CHRM3: variants seen among roughly 807,000 people sequenced by gnomAD.
CHRM3 encodes the protein cholinergic receptor muscarinic 3, also known as muscarinic acetylcholine receptor M3.
CHRM3 carries 11 observed loss-of-function variants against 41.8 expected under a neutral mutation model. That is an observed-to-expected ratio of 0.26 (90% confidence interval 0.17 to 0.44). The LOEUF (loss-of-function observed/expected upper bound fraction) is 0.44. CHRM3 is among the 20% of genes least tolerant of loss of function. CHRM3 has a pLI of 1.00. For synonymous variants in CHRM3, 297 were observed against 301.4 expected (o/e 0.99, Z 0.15); for missense variants, 571 against 745.4 (o/e 0.77, Z 2.72).
intron 5 of CHRM3, among the ~76,000 whole-genome samples, chr1:239,739,161 G>T (rs551591770): frequency 1.3e-5 from 2 of 152,106 alleles, no homozygotes; most frequent in Admixed American, 6.5e-5. Flanking sequence ...TCAATATTAT[G>T]TATTTGACAG....
chr1:239,715,305 G>A (rs556370620), intron 5 of CHRM3, among the ~76,000 whole-genome samples: 9 of 152,198 alleles, frequency 5.9e-5, no homozygotes, highest in African/African-American at 2.2e-4. Flanking sequence ...ACTAGAAGAG[G>A]AAATAGGCTA....
chr1:239,413,995 A>G (rs1353915778), intron 1 of CHRM3, among the ~76,000 whole-genome samples: 2 of 152,216 alleles, frequency 1.3e-5, no homozygotes, highest in African/African-American at 4.8e-5. Flanking sequence ...TGTTGAAGAG[A>G]AACCAGGGTT....
chr1:239,435,320 G>A (rs1183232295), intron 1 of CHRM3, among the ~76,000 whole-genome samples: 1 of 151,832 alleles, frequency 6.6e-6, no homozygotes, highest in South Asian at 2.1e-4. Context: ...TGTGGTGGCG[G>A]GTGCCTGTAG....
At chr1:239,609,101 T>C (rs1666699089) in intron 3 of CHRM3, among the ~76,000 whole-genome samples, 1 of 152,212 alleles carries the variant, frequency 6.6e-6, no homozygotes, top group African/African-American at 2.4e-5. Flanking sequence ...CACTTTGTAA[T>C]ACATTGTCAT....
At chr1:239,599,559 C>G (rs890502701) in intron 3 of CHRM3, among the ~76,000 whole-genome samples, 7 of 151,782 alleles carry the variant, frequency 4.6e-5, no homozygotes, top group African/African-American at 1.7e-4. Context: ...GAGTGCAAGA[C>G]TTGTGTTTCA....
chr1:239,563,592 TTGTA>T (rs1661079789), intron 3 of CHRM3, among the ~76,000 whole-genome samples: 1 of 152,170 alleles, frequency 6.6e-6, no homozygotes, highest in Non-Finnish European at 1.5e-5. Flanking sequence ...TTTTTTTTGT[TTGTA>T]CTACAGCAGC....
chr1:239,802,443 C>T (rs1171414032), intron 5 of CHRM3, among the ~76,000 whole-genome samples: 2 of 152,110 alleles, frequency 1.3e-5, no homozygotes, highest in Non-Finnish European at 2.9e-5. Context: ...ACACCACTAC[C>T]CCTGTGAGTG....
chr1:239,747,961 C>G (rs982534480), intron 5 of CHRM3, among the ~76,000 whole-genome samples: 18 of 152,132 alleles, frequency 1.2e-4, no homozygotes, highest in African/African-American at 4.3e-4. Flanking sequence ...TGCTTGAACC[C>G]CAGAGGCAGA....
chr1:239,897,313 A>G (rs1043289873), intron 6 of CHRM3, among the ~76,000 whole-genome samples: 3 of 151,474 alleles, frequency 2.0e-5, no homozygotes, highest in Non-Finnish European at 2.9e-5. Context: ...ATGGACCTGG[A>G]AAAAAAAAGC....
At chr1:239,594,693 T>C (rs1031743860) in intron 3 of CHRM3, among the ~76,000 whole-genome samples, 1 of 152,202 alleles carries the variant, frequency 6.6e-6, no homozygotes, top group Non-Finnish European at 1.5e-5. Flanking sequence ...GCAGAAAACT[T>C]ATGGAATATA....
intron 1 of CHRM3, among the ~76,000 whole-genome samples, chr1:239,456,374 T>C (rs1226879238): frequency 6.6e-6 from 1 of 152,144 alleles, no homozygotes; most frequent in African/African-American, 2.4e-5. Context: ...TATGTTTAGA[T>C]ACACAAGTAC....
intron 5 of CHRM3, chr1:239,727,887 G>C (rs1022214597): frequency 1.3e-5 from 2 of 151,702 alleles, no homozygotes; most frequent in Non-Finnish European, 2.9e-5. Context: ...TTTTTTTTCT[G>C]AAATTCTTGC....
chr1:239,727,851 A>G (rs914903026), intron 5 of CHRM3: 1 of 151,940 alleles, frequency 6.6e-6, no homozygotes, highest in African/African-American at 2.4e-5. Flanking sequence ...CCTTAAGCAC[A>G]TGACACCAAC....
At chr1:239,412,472 C>T (rs1661177792) in intron 1 of CHRM3, among the ~76,000 whole-genome samples, 2 of 148,148 alleles carry the variant, frequency 1.3e-5, no homozygotes, top group Middle Eastern at 3.4e-3. Context: ...TACTCATCCC[C>T]CCGCCACCAT....
intron 5 of CHRM3, among the ~76,000 whole-genome samples, chr1:239,810,236 G>A (rs1671013001): frequency 6.6e-6 from 1 of 152,124 alleles, no homozygotes; most frequent in South Asian, 2.1e-4. Context: ...TCACCAAAAA[G>A]GGATCCTTGC....
chr1:239,670,273 G>C (rs1422781242), intron 4 of CHRM3, among the ~76,000 whole-genome samples: 1 of 151,704 alleles, frequency 6.6e-6, no homozygotes, highest in African/African-American at 2.4e-5. Context: ...CCAAGCCCCA[G>C]GAAAAATGCT....
chr1:239,634,952 C>G (rs954618349), intron 4 of CHRM3, among the ~76,000 whole-genome samples: 2 of 152,184 alleles, frequency 1.3e-5, no homozygotes, highest in East Asian at 3.9e-4. Context: ...GCTGTTAGTA[C>G]AAAATAATAG....
intron 6 of CHRM3, among the ~76,000 whole-genome samples, chr1:239,843,201 A>G (rs900022283): frequency 6.6e-6 from 1 of 152,140 alleles, no homozygotes; most frequent in East Asian, 1.9e-4. Flanking sequence ...CCTCCTGCCT[A>G]TATACTCATT....
Position 239,748,235 on chromosome 1 carries a change from A to G in CHRM3, c.-147+69947A>G, listed in dbSNP as rs1483772162. 3.3e-5 allele frequency among the ~76,000 whole-genome samples: 5 copies of G among 152,372 alleles called. No homozygotes were observed. The highest frequency in any genetic ancestry group is 1.2e-4 in the African/African-American group (5 of 41,596). ...TGCACTAATTGAAGATGTATTGTAT[A>G]TCGTTAAATAACTGCTTTTTATCAT... is the stretch of plus-strand genomic sequence containing the variant. On this transcript the variant is annotated intron_variant, in intron 5 of 6. Transcript: ENST00000676153. This position sits in a 1 kb window ranked among gnomAD's most constrained non-coding sequence, Gnocchi z 4.3.
Sources: allele counts gnomAD v4.1 joint callset (sites outside exome capture counted in the v4.1 genomes callset), GRCh38; gene constraint gnomAD v4.1.1; non-coding constraint Gnocchi (gnomAD v3.1); transcripts MANE v1.5; gene names NCBI Gene and HGNC (gene_info 2026-07-23, HGNC 2026-07-21).